The following MIOS variants were observed in gnomAD, a reference collection of about 807,000 sequenced individuals.
MIOS encodes the protein meiosis regulator for oocyte development.
A neutral mutation model predicts 96.9 loss-of-function variants in MIOS; 52 were observed. The ratio of observed to expected loss-of-function variants is 0.54; its 90% CI spans 0.43 to 0.68. The LOEUF (loss-of-function observed/expected upper bound fraction) is 0.68, where lower values mean the gene tolerates loss of function less well. Among genes scored for constraint, MIOS ranks in the 30% least tolerant of loss-of-function variants. The pLI, the probability that MIOS is intolerant of heterozygous loss-of-function variation, is 0.00. For synonymous variants in MIOS, 397 were observed against 359.5 expected, an observed-to-expected ratio of 1.10 and a Z score of -1.18; for missense variants, 1,005 against 1,052.8, an observed-to-expected ratio of 0.95 and a Z score of 0.63.
intron 11 of MIOS, chr7:7,605,403 T>G (rs1307958449): frequency 6.6e-6 from 1 of 152,268 alleles, no homozygotes; most frequent in South Asian, 2.1e-4. Flanking sequence ...TAAGCAATTC[T>G]TGTGCCTCAG....
chr7:7,597,500 A>ATG (rs1784245438), intron 11 of MIOS, among the ~76,000 whole-genome samples: 1 of 71,698 alleles, frequency 1.4e-5, no homozygotes, highest in Non-Finnish European at 2.8e-5. Flanking sequence ...ATATATATAT[A>ATG]TATATATATA....
At chr7:7,590,100 T>C (rs1784005363) in intron 9 of MIOS, among the ~76,000 whole-genome samples, 2 of 152,174 alleles carry the variant, frequency 1.3e-5, no homozygotes, top group Admixed American at 1.3e-4. Flanking sequence ...ATGGTAAAAT[T>C]TAGAGTATTC....
intron 10 of MIOS, 69 bp from the exon 11 acceptor site, chr7:7,596,188 C>T: frequency 1.5e-6 from 2 of 1,320,044 alleles, no homozygotes; most frequent in East Asian, 4.7e-5. Context: ...TTGTTAGGCG[C>T]ACACTAAGTT....
At chr7:7,606,155 T>G in intron 12 of MIOS, 84 bp downstream of exon 12, 1 of 1,512,236 alleles carries the variant, frequency 6.6e-7, no homozygotes, top group East Asian at 2.3e-5. Context: ...GTTTATCTAT[T>G]AGCATTTAGC....
intron 5 of MIOS, among the ~76,000 whole-genome samples, chr7:7,576,288 A>G (rs979376042): frequency 6.6e-6 from 1 of 152,232 alleles, no homozygotes; most frequent in Non-Finnish European, 1.5e-5. Context: ...ATAACTCTCA[A>G]GAAGATACAT....
In MIOS at chr7:7,608,567, T is replaced by G. The variant is rs781562837; in HGVS notation, c.*1475T>G. ...TGAAAGACATGGTAATTGCAATTTT[T>G]TTTTAAAGATTGCTATTAAGGGTAC... On this transcript the variant is annotated 3_prime_UTR_variant, in exon 13 of 13. Transcript: ENST00000340080. 5 of 152,106 alleles carry G rather than the reference T, an allele frequency of 3.3e-5. No homozygotes were observed. Among genetic ancestry groups the G allele is most frequent in the Non-Finnish European group, 7.4e-5 (5 of 67,950 alleles). 9.4% of individuals were successfully genotyped at this position (152,106 alleles called of 1,614,324 possible).
intron 6 of MIOS, among the ~76,000 whole-genome samples, chr7:7,584,859 A>G (rs568931071): frequency 1.3e-5 from 2 of 152,310 alleles, no homozygotes; most frequent in South Asian, 2.1e-4. Flanking sequence ...GCTTATCAGC[A>G]TGCATCTAAA....
chr7:7,586,794 C>A (rs1783900111), intron 7 of MIOS, among the ~76,000 whole-genome samples: 1 of 151,946 alleles, frequency 6.6e-6, no homozygotes, highest in African/African-American at 2.4e-5. Context: ...TGTAATTAAT[C>A]TTTTTTGTTA....
intron 5 of MIOS, among the ~76,000 whole-genome samples, chr7:7,580,194 G>C (rs1783667364): frequency 6.6e-6 from 1 of 152,168 alleles, no homozygotes; most frequent in South Asian, 2.1e-4. Context: ...TTGTTATTCA[G>C]AATGAATGTT....
chr7:7,594,557 A>G (rs1784149030), intron 9 of MIOS, among the ~76,000 whole-genome samples: 1 of 152,162 alleles, frequency 6.6e-6, no homozygotes, highest in African/African-American at 2.4e-5. Context: ...GGCCTTCCAA[A>G]GTGCTGAGAT....
At chr7:7,588,586 A>G in intron 8 of MIOS, 23 bp downstream of exon 8, 1 of 1,477,576 alleles carries the variant, frequency 6.8e-7, no homozygotes. Context: ...TTAATTCCAC[A>G]TTTGAAGTAA....
At chr7:7,603,416 C>CT (rs1784435555) in intron 11 of MIOS, among the ~76,000 whole-genome samples, 1 of 152,168 alleles carries the variant, frequency 6.6e-6, no homozygotes, top group African/African-American at 2.4e-5. Context: ...TGAACAGACA[C>CT]TTCTCAAAAG....
rs752381325 is a variant in MIOS, at chr7:7,585,814, A to T, written c.1818+9A>T. 1 of 1,589,890 alleles carries T rather than the reference A, an allele frequency of 6.3e-7. No individual in the cohort carries two copies. Among genetic ancestry groups the T allele is most frequent in the South Asian group, 1.2e-5 (1 of 86,226 alleles). ...CTTACGATGGAGTTTTGGTAAGCTA[A>T]CTTGTTTTTTAAGATCTTCCTTTGA... On this transcript the variant is annotated intron_variant, in intron 7 of 12. Coordinates refer to ENST00000340080, the MANE Select transcript of MIOS (RefSeq NM_019005.4).
At position 7,595,092 on chromosome 7, in the gene MIOS, A is replaced by G. The variant is rs1784165436; in HGVS notation, c.2156A>G (p.His719Arg). Residue 719 changes from histidine to arginine, a missense_variant, in exon 10 of 13, where the codon CAC (histidine) becomes CGC (arginine). By Grantham distance (29) the His-to-Arg change is conservative. Coordinates refer to ENST00000340080, the MANE Select transcript of MIOS (RefSeq NM_019005.4). ...CATAAACGAGCTGAATTTGATATTC[A>G]CAGGAGTAAGTTGGATCCCAGTTCC... Reference protein sequence around the residue: ...FWHKRAEFDIHRSKLDPSSKP... With the variant: ...FWHKRAEFDIRRSKLDPSSKP... 6.2e-7 allele frequency: 1 copy of G among 1,614,024 alleles called. No homozygotes were observed. Among genetic ancestry groups the G allele is most frequent in the Non-Finnish European group, 8.5e-7 (1 of 1,179,954 alleles).
intron 11 of MIOS, among the ~76,000 whole-genome samples, chr7:7,604,285 A>G (rs556636632): frequency 1.3e-5 from 2 of 152,262 alleles, no homozygotes; most frequent in East Asian, 3.9e-4. Context: ...TTTGCCTGCA[A>G]TCAGAGATTG....
chr7:7,574,106 C>A lies in MIOS; in HGVS notation c.1303C>A (p.Gln435Lys), dbSNP rs1352452620. Reference sequence around the variant, plus strand: ...CCTATGCATTTAAATACTTATGAAGCAATACACAGAAGATATGGATCAGAA... The same window carrying A: ...CCTATGCATTTAAATACTTATGAAGAAATACACAGAAGATATGGATCAGAA... ...SLWYTLHFMK[Q>K]YTEDMDQKSP... is the part of the protein sequence containing the mutation. The change falls in exon 5 of 13, where the codon CAA becomes AAA. Residue 435 changes from glutamine to lysine, a missense_variant. Around this residue, in one of 3 missense-constraint regions of MIOS, gnomAD observed 865 missense variants for 887.9 expected, o/e 0.97. Transcript: ENST00000340080. 3 of 1,601,698 alleles carry A rather than the reference C, an allele frequency of 1.9e-6. No individual in the cohort carries two copies. Among genetic ancestry groups the A allele is most frequent in the African/African-American group, 2.7e-5 (2 of 74,674 alleles).
rs1320282471 is a variant in MIOS, at chr7:7,585,643, G to C, written c.1656G>C (p.Leu552=). The change falls in exon 7 of 13, where the codon CTG becomes CTC. Residue 552 remains leucine (L), a synonymous_variant. Transcript: ENST00000340080. ...NEGASSEKGD[L]NLNVVAMALS... ...GCTGTTTTTAATATGCAGGAGATCT[G>C]AATCTCAATGTGGTAGCAATGGCTT... 1.7e-5 allele frequency: 27 copies of C among 1,582,920 alleles called. No homozygotes were observed. Among genetic ancestry groups the C allele is most frequent in the Non-Finnish European group, 2.0e-5 (23 of 1,166,002 alleles).
At chr7:7,592,558 C>T (rs1784078785) in intron 9 of MIOS, among the ~76,000 whole-genome samples, 1 of 151,936 alleles carries the variant, frequency 6.6e-6, no homozygotes, top group East Asian at 1.9e-4. Flanking sequence ...TACAACTCAC[C>T]ATAATGTAGA....
At chr7:7,591,297 G>GTTTT (rs71010984) in intron 9 of MIOS, among the ~76,000 whole-genome samples, 2 of 136,008 alleles carry the variant, frequency 1.5e-5, no homozygotes, top group Admixed American at 7.5e-5. Context: ...TTTTTGTTGG[G>GTTTT]TTTTTTTTTT....
Sources: allele counts gnomAD v4.1 joint callset (sites outside exome capture counted in the v4.1 genomes callset), GRCh38; gene constraint gnomAD v4.1.1; regional missense constraint gnomAD v4.1.1; transcripts MANE v1.5; gene names NCBI Gene and HGNC (gene_info 2026-07-23, HGNC 2026-07-21).